The following CD276 variants were observed in gnomAD, a reference collection of about 807,000 sequenced individuals.
The protein encoded by CD276 is CD276 molecule.
In CD276, 34 loss-of-function variants were observed where a neutral mutation model predicts 50.0. The observed-to-expected ratio is 0.68, with a 90% CI of 0.52 to 0.91. The LOEUF is 0.91. Among genes scored for constraint, CD276 ranks in the 40% least tolerant of loss-of-function variants. The pLI is 0.00. For missense variants in CD276, 634 were observed against 717.5 expected (o/e 0.88, Z 1.33); for synonymous variants, 275 against 313.0 (o/e 0.88, Z 1.28).
Position 73,703,835 on chromosome 15 carries a change from GGCAGCGCCTAT to G in CD276, c.913_923del (p.Ser305GlnfsTer83). ...CAGTTTCACCGAAGGCCGGGACCAG[GGCAGCGCCTAT>G]GCCAACCGCACGGCCCTCTTCCCGG... On this transcript the variant is annotated frameshift_variant, in exon 5 of 10. Coordinates refer to ENST00000318443, the MANE Select transcript of CD276 (RefSeq NM_001024736.2). LOFTEE classifies it high-confidence loss of function. 1 of 1,613,634 alleles carries G rather than the reference GGCAGCGCCTAT, an allele frequency of 6.2e-7. No homozygotes were observed. The highest frequency in any genetic ancestry group is 8.5e-7 in the Non-Finnish European group (1 of 1,180,024).
At chr15:73,689,082 C>T (rs1899876885) in intron 1 of CD276, among the ~76,000 whole-genome samples, 1 of 152,110 alleles carries the variant, frequency 6.6e-6, no homozygotes, top group Non-Finnish European at 1.5e-5. Flanking sequence ...CATGTGCTCT[C>T]ATCCCTTTCC....
intron 1 of CD276, among the ~76,000 whole-genome samples, chr15:73,690,940 T>G (rs554054973): frequency 1.0e-5 from 1 of 99,396 alleles, no homozygotes; most frequent in East Asian, 3.2e-4. Flanking sequence ...AACAGCCCTA[T>G]GATTAACTAT....
intron 1 of CD276, among the ~76,000 whole-genome samples, chr15:73,694,566 C>T (rs1203636676): frequency 6.6e-6 from 1 of 152,152 alleles, no homozygotes; most frequent in South Asian, 2.1e-4. Flanking sequence ...ATATCCAGGG[C>T]TGATACTACA....
rs910816594 is a variant in CD276 at position 73,704,779 on chromosome 15, G to A, written c.1369+307G>A. ...GGGGCAGCCACAAGGTGTGGCCCAGGGGACTTGGTGTGGGTGTGCTTTCCA... is the reference window on the plus strand; with the variant it reads ...GGGGCAGCCACAAGGTGTGGCCCAGAGGACTTGGTGTGGGTGTGCTTTCCA... On this transcript the variant is annotated intron_variant, in intron 6 of 9. Coordinates refer to ENST00000318443, the MANE Select transcript of CD276 (RefSeq NM_001024736.2). The surrounding 1 kb of genome is among the most constrained non-coding windows in gnomAD (Gnocchi z 4.1). Among the ~76,000 whole-genome samples, 2 of 152,214 alleles carry A rather than the reference G, an allele frequency of 1.3e-5. No individual in the cohort carries two copies. Among genetic ancestry groups the A allele is most frequent in the South Asian group, 2.1e-4 (1 of 4,830 alleles).
chr15:73,698,297 G>A (rs867275445), intron 1 of CD276, among the ~76,000 whole-genome samples: 49 of 152,214 alleles, frequency 3.2e-4, no homozygotes, highest in African/African-American at 9.6e-4. Flanking sequence ...ACACCTAGTC[G>A]CCTCCTAAAA....
intron 6 of CD276, 148 bp from the exon 7 acceptor site, chr15:73,708,191 G>A: frequency 1.3e-6 from 1 of 790,038 alleles, no homozygotes; most frequent in Admixed American, 2.8e-5. Flanking sequence ...GTATGGCGAA[G>A]GGACTGTAGG....
chr15:73,702,182 G>A, intron 2 of CD276, 73 bp from the exon 3 acceptor site: 3 of 1,234,316 alleles, frequency 2.4e-6, no homozygotes, highest in Non-Finnish European at 3.3e-6. Flanking sequence ...GTTAGCAGGG[G>A]CAGGGAGCGG....
chr15:73,710,250 C>T (rs1190606679), intron 8 of CD276, among the ~76,000 whole-genome samples: 1 of 152,242 alleles, frequency 6.6e-6, no homozygotes, highest in Non-Finnish European at 1.5e-5. Flanking sequence ...CAATACTGTT[C>T]TAGTTACAGA....
intron 1 of CD276, among the ~76,000 whole-genome samples, chr15:73,696,893 G>A (rs1404682841): frequency 6.6e-6 from 1 of 152,144 alleles, no homozygotes; most frequent in Non-Finnish European, 1.5e-5. Context: ...AGAGGAGCAA[G>A]CAGGGCCAGT....
chr15:73,708,200 G>T, intron 6 of CD276, 139 bp from the exon 7 acceptor site: 2 of 873,872 alleles, frequency 2.3e-6, no homozygotes, highest in Non-Finnish European at 3.5e-6. Context: ...AGGGACTGTA[G>T]GAACTTAAGT....
In CD276 at chr15:73,702,434, A is replaced by G; in HGVS notation, c.259A>G (p.Ser87Gly). ...HSFAEGQDQG[S>G]AYANRTALFP... ...CTTTGCTGAGGGCCAGGACCAGGGCAGCGCCTATGCCAACCGCACGGCCCT... is the reference window on the plus strand; with the variant it reads ...CTTTGCTGAGGGCCAGGACCAGGGCGGCGCCTATGCCAACCGCACGGCCCT... Residue 87 changes from serine to glycine, a missense_variant, in exon 3 of 10, where the codon AGC (serine) becomes GGC (glycine). Physicochemically the swap from Ser to Gly is moderately conservative, Grantham distance 56. Coordinates refer to ENST00000318443, the MANE Select transcript of CD276 (RefSeq NM_001024736.2). 6.2e-7 allele frequency: 1 copy of G among 1,613,808 alleles called. No individual in the cohort carries two copies. The highest frequency in any genetic ancestry group is 8.5e-7 in the Non-Finnish European group (1 of 1,180,010).
rs1337780785 is a variant in CD276 at position 73,713,474 on chromosome 15, AGACAGG to A, written c.*524_*529del. 6 of 278,464 alleles carry A rather than the reference AGACAGG, an allele frequency of 2.2e-5. No homozygotes were observed. The highest frequency in any genetic ancestry group is 4.1e-5 in the Non-Finnish European group (6 of 145,614). 17.2% of individuals were successfully genotyped at this position (278,464 alleles called of 1,614,324 possible). A position where few individuals can be genotyped will look rare whatever the true frequency, so the allele number is the denominator to read the frequency against. Reference sequence around the variant, plus strand: ...CACCTGCATAGAATCTTTTCTTCTCAGACAGGGACAGTGCGGCCTCAACATCTCCTG... The same window carrying A: ...CACCTGCATAGAATCTTTTCTTCTCAGACAGTGCGGCCTCAACATCTCCTG... On this transcript the variant is annotated 3_prime_UTR_variant, in exon 10 of 10. Transcript: ENST00000318443.
Position 73,702,284 on chromosome 15 carries a change from C to T in CD276, c.109C>T (p.Pro37Ser), listed in dbSNP as rs1243951843. The T allele has an allele frequency of 6.2e-7, 1 of 1,612,528 alleles. No homozygotes were observed. The highest frequency in any genetic ancestry group is 1.7e-5 in the Admixed American group (1 of 59,944). Residue 37 changes from proline to serine, a missense_variant, in exon 3 of 10, where the codon CCA becomes TCA. Physicochemically the swap from Pro to Ser is moderately conservative, Grantham distance 74. Coordinates refer to ENST00000318443, the MANE Select transcript of CD276 (RefSeq NM_001024736.2). ...CCTGGAGGTCCAGGTCCCTGAAGAC[C>T]CAGTGGTGGCACTGGTGGGCACCGA... Reference protein sequence around the residue: ...GALEVQVPEDPVVALVGTDAT... With the variant: ...GALEVQVPEDSVVALVGTDAT...
intron 6 of CD276, 23 bp from the exon 7 acceptor site, chr15:73,708,316 A>G: frequency 6.2e-7 from 1 of 1,612,192 alleles, no homozygotes; most frequent in Non-Finnish European, 8.5e-7. Context: ...TGACAGTCTC[A>G]CTGTTGCTAC....
rs1900571953 is a variant in CD276, at chr15:73,704,524, A to G, written c.1369+52A>G. On this transcript the variant is annotated intron_variant, in intron 6 of 9. Transcript: ENST00000318443. The surrounding 1 kb of genome is among the most constrained non-coding windows in gnomAD (Gnocchi z 4.1). ...GGACGGAGCGAGTAACTCCCTCTTT[A>G]CTGGACCCTAACGTGGAATTTCCAT... 3 of 1,557,696 alleles carry G rather than the reference A, an allele frequency of 1.9e-6. No homozygotes were observed. The East Asian group carries it at 7.1e-5, about 37-fold the overall frequency.
chr15:73,703,501 G>A (rs1320755674), intron 4 of CD276, among the ~76,000 whole-genome samples, 158 bp from the exon 5 acceptor site: 1 of 152,176 alleles, frequency 6.6e-6, no homozygotes, highest in African/African-American at 2.4e-5. Flanking sequence ...CTCCATATCT[G>A]AGAGTCCTCA....
intron 2 of CD276, among the ~76,000 whole-genome samples, chr15:73,700,094 T>C (rs1596010524): frequency 6.6e-6 from 1 of 152,072 alleles, no homozygotes; most frequent in Non-Finnish European, 1.5e-5. Flanking sequence ...CTCTCCTAGC[T>C]CCCTTGTATA....
intron 6 of CD276, 43 bp from the exon 7 acceptor site, chr15:73,708,296 G>A: frequency 6.2e-7 from 1 of 1,605,330 alleles, no homozygotes; most frequent in Non-Finnish European, 8.5e-7. Context: ...CCGGGACATG[G>A]GGCCAGGCAT....
rs781744028 is a variant in CD276 at position 73,703,709 on chromosome 15, A to G, written c.784A>G (p.Thr262Ala). 1 of 1,613,044 alleles carries G rather than the reference A, an allele frequency of 6.2e-7. No homozygotes were observed. The highest frequency in any genetic ancestry group is 8.5e-7 in the Non-Finnish European group (1 of 1,179,910). Residue 262 changes from threonine (T) to alanine (A), a missense_variant, in exon 5 of 10, where the codon ACC becomes GCC. Thr to Ala is a moderately conservative substitution (Grantham distance 58). Coordinates refer to ENST00000318443, the MANE Select transcript of CD276 (RefSeq NM_001024736.2). ...GGACCCGGTGGTGGCCCTAGTGGGC[A>G]CCGATGCCACCCTGCGCTGCTCCTT... ...PEDPVVALVG[T>A]DATLRCSFSP...
Sources: gnomAD v4.1 joint callset for allele counts (sites outside exome capture counted in the v4.1 genomes callset) on GRCh38, gnomAD v4.1.1 for gene constraint, Gnocchi (gnomAD v3.1) non-coding constraint, MANE v1.5 for transcripts, NCBI Gene and HGNC (gene_info 2026-07-23, HGNC 2026-07-21) for gene names.